IL17RC: variants seen among roughly 807,000 people sequenced by gnomAD.
IL17RC encodes interleukin-17 receptor C.
In IL17RC, 53 loss-of-function variants were observed where a neutral mutation model predicts 86.7. The observed-to-expected ratio is 0.61, with a 90% CI of 0.49 to 0.77. The LOEUF is 0.77. Among genes scored for constraint, IL17RC ranks in the 30% least tolerant of loss-of-function variants. The probability of loss-of-function intolerance (pLI) is 0.00; values close to 1 mark genes in which losing one functional copy is unlikely to be tolerated. For missense variants in IL17RC, 957 were observed against 940.0 expected (o/e 1.02, Z -0.24); for synonymous variants, 439 against 413.1 (o/e 1.06, Z -0.76).
At chr3:9,925,860 A>ATTTT (rs112277639) in intron 9 of IL17RC, among the ~76,000 whole-genome samples, 1 of 138,494 alleles carries the variant, frequency 7.2e-6, no homozygotes, top group Non-Finnish European at 1.6e-5. Flanking sequence ...ATTTTCTTAA[A>ATTTT]TTTTTTTTTT....
intron 9 of IL17RC, among the ~76,000 whole-genome samples, chr3:9,924,996 G>A (rs2083922643): frequency 6.6e-6 from 1 of 151,480 alleles, no homozygotes; most frequent in African/African-American, 2.4e-5. Context: ...TAGAGACGGG[G>A]TCTTGCTATG....
chr3:9,926,620 T>G (rs2084105099), intron 9 of IL17RC, among the ~76,000 whole-genome samples: 1 of 151,772 alleles, frequency 6.6e-6, no homozygotes, highest in East Asian at 1.9e-4. Context: ...TTTTGTTTTT[T>G]TTTTGTTTTT....
rs769235381 is a variant in IL17RC, at chr3:9,930,149, G to C, written c.1278G>C (p.Thr426=). Residue 426 remains threonine (T), a splice_region_variant and synonymous_variant, in exon 14 of 19, where the codon ACG becomes ACC. Coordinates refer to ENST00000403601, the MANE Select transcript of IL17RC (RefSeq NM_153460.4). This position sits in a 1 kb window ranked among gnomAD's most constrained non-coding sequence, Gnocchi z 5.8. The part of the protein sequence containing the change: ...GCTSLPSKAS[T]RAARLGEYLL... ...CTTCACTACCCAGCAAAGCCTCCACGGTTAGGACTGGGCGACCCTCCTCCA... is the reference window on the plus strand; with the variant it reads ...CTTCACTACCCAGCAAAGCCTCCACCGTTAGGACTGGGCGACCCTCCTCCA... 5 of 1,613,804 alleles carry C rather than the reference G, an allele frequency of 3.1e-6. No homozygotes were observed. The highest frequency in any genetic ancestry group is 4.2e-6 in the Non-Finnish European group (5 of 1,179,980).
rs1481893322 is a variant in IL17RC, at chr3:9,923,964, TC to T, written c.709del (p.Leu237CysfsTer18). The T allele has an allele frequency of 6.2e-7, 1 of 1,614,068 alleles. No homozygotes were observed. The highest frequency in any genetic ancestry group is 8.5e-7 in the Non-Finnish European group (1 of 1,180,040). On this transcript the variant is annotated frameshift_variant, in exon 8 of 19. Transcript: ENST00000403601. LOFTEE classifies it high-confidence loss of function. ...CTCTGAGGAGCAGCACTTCGGCCTCTCCCTGTACTGGAATCAGGTCCAGGGC... is the reference window on the plus strand; with the variant it reads ...CTCTGAGGAGCAGCACTTCGGCCTCTCCTGTACTGGAATCAGGTCCAGGGC... ...NVSEEQHFGL[S>X]LYWNQVQGPP...
intron 9 of IL17RC, among the ~76,000 whole-genome samples, chr3:9,925,688 A>C (rs946016215): frequency 1.3e-5 from 2 of 151,618 alleles, no homozygotes; most frequent in African/African-American, 4.9e-5. Context: ...GGAGCTACTT[A>C]CCAAGATACA....
chr3:9,928,233 G>A lies in IL17RC; in HGVS notation c.877+13G>A, dbSNP rs748416281. On this transcript the variant is annotated intron_variant, in intron 10 of 18. Coordinates refer to ENST00000403601, the MANE Select transcript of IL17RC (RefSeq NM_153460.4). Reference sequence around the variant, plus strand: ...CCCTTCAGGGAGGGTGAGCCGACCGGCCTGGGGCTGGGGTTGGGGTGTTGC... The same window carrying A: ...CCCTTCAGGGAGGGTGAGCCGACCGACCTGGGGCTGGGGTTGGGGTGTTGC... 1.3e-6 allele frequency: 2 copies of A among 1,581,948 alleles called. No individual in the cohort carries two copies. The highest frequency in any genetic ancestry group is 1.7e-5 in the African/African-American group (1 of 59,684).
chr3:9,933,354 G>A lies in IL17RC; in HGVS notation c.1924G>A (p.Ala642Thr), dbSNP rs2084977566. The A allele has an allele frequency of 1.1e-5, 17 of 1,611,440 alleles. No individual in the cohort carries two copies. Among genetic ancestry groups the A allele is most frequent in the Middle Eastern group, 1.7e-4 (1 of 6,058 alleles). The part of the protein sequence containing the change: ...ACFDRLLHPD[A>T]VPALFRTVPV... ...CTTCGACAGGCTGCTCCACCCGGAC[G>A]CCGTACCCGCCCTTTTCCGCACCGT... Residue 642 changes from alanine (A) to threonine (T), a missense_variant, in exon 19 of 19, where the codon GCC becomes ACC. Coordinates refer to ENST00000403601, the MANE Select transcript of IL17RC (RefSeq NM_153460.4).
intron 1 of IL17RC, 138 bp from the exon 2 acceptor site, chr3:9,917,575 G>C (rs1164990877): frequency 1.2e-6 from 2 of 1,613,366 alleles, no homozygotes; most frequent in East Asian, 4.5e-5. Context: ...CGGGGAAGGG[G>C]CAAGAGCTGG....
Position 9,917,444 on chromosome 3 carries a change from C to T in IL17RC, c.105+24C>T, listed in dbSNP as rs192927730. On this transcript the variant is annotated intron_variant, in intron 1 of 18. Transcript: ENST00000403601. ...CGGTGAGTCTGGAACCCTGGGGAGA[C>T]GAGGAAAGGCTCAGGGTTCAGTTTT... 320 of 1,614,178 alleles carry T rather than the reference C, an allele frequency of 2.0e-4. No homozygotes were observed. Among genetic ancestry groups the T allele is most frequent in the African/African-American group, 6.3e-4 (47 of 75,046 alleles).
intron 5 of IL17RC, among the ~76,000 whole-genome samples, chr3:9,919,366 C>T (rs1037400149): frequency 1.3e-4 from 19 of 151,972 alleles, no homozygotes; most frequent in African/African-American, 3.6e-4. Context: ...TAGTTCTGGC[C>T]GGGCACAGTG....
At position 9,923,991 on chromosome 3, in the gene IL17RC, C is replaced by T. The variant is rs923319447; in HGVS notation, c.733C>T (p.Pro245Ser). 1.2e-6 allele frequency: 2 copies of T among 1,613,922 alleles called. No homozygotes were observed. The highest frequency in any genetic ancestry group is 2.2e-5 in the East Asian group (1 of 44,900). The change falls in exon 8 of 19, where the codon CCC (proline) becomes TCC (serine). Residue 245 changes from proline to serine, a missense_variant. By Grantham distance (74) the Pro-to-Ser change is moderately conservative. Coordinates refer to ENST00000403601, the MANE Select transcript of IL17RC (RefSeq NM_153460.4). Reference protein sequence around the residue: ...LSLYWNQVQGPPKPRWHKNLT... With the variant: ...LSLYWNQVQGSPKPRWHKNLT... Reference sequence around the variant, plus strand: ...CCTGTACTGGAATCAGGTCCAGGGCCCCCCAAAACCCCGGTGGCACAAAAA... The same window carrying T: ...CCTGTACTGGAATCAGGTCCAGGGCTCCCCAAAACCCCGGTGGCACAAAAA...
In IL17RC at chr3:9,930,488, CAA is replaced by C. The variant is rs1559318938; in HGVS notation, c.1338+30_1338+31del. 5.0e-6 allele frequency: 8 copies of C among 1,609,560 alleles called. No homozygotes were observed. The Admixed American group carries it at 6.7e-5, about 13-fold the overall frequency. On this transcript the variant is annotated intron_variant, in intron 15 of 18. Coordinates refer to ENST00000403601, the MANE Select transcript of IL17RC (RefSeq NM_153460.4). The surrounding 1 kb of genome is among the most constrained non-coding windows in gnomAD (Gnocchi z 5.8). ...AGCTGGTGGAAGAAGGGCCCCACCT[CAA>C]TGCCTAGGGGCAACAGGCCTAAAAC...
In IL17RC at chr3:9,932,985, T is replaced by C; in HGVS notation, c.1555T>C (p.Tyr519His). The change falls in exon 19 of 19, where the codon TAC (tyrosine) becomes CAC (histidine). Residue 519 changes from tyrosine (Y) to histidine (H), a missense_variant. By Grantham distance (83) the Tyr-to-His change is moderately conservative. Transcript: ENST00000403601. ...AARGRAALLL[Y>H]SADDSGFERL... ...CAGGGGCCGCGCGGCTCTGCTCCTCTACTCAGCCGATGACTCGGGTTTCGA... is the reference window on the plus strand; with the variant it reads ...CAGGGGCCGCGCGGCTCTGCTCCTCCACTCAGCCGATGACTCGGGTTTCGA... 1 of 1,593,392 alleles carries C rather than the reference T, an allele frequency of 6.3e-7. No individual in the cohort carries two copies. Among genetic ancestry groups the C allele is most frequent in the Non-Finnish European group, 8.5e-7 (1 of 1,174,256 alleles).
chr3:9,930,909 C>T lies in IL17RC; in HGVS notation c.1353C>T (p.Asp451=). ...SGQCLQLWDD[D]LGALWACPMD... ...GTATCTTACAGCTATGGGACGATGA[C>T]TTGGGAGCGCTATGGGCCTGCCCCA... Residue 451 remains aspartate (D), a synonymous_variant, in exon 16 of 19, where the codon GAC becomes GAT. Transcript: ENST00000403601. The surrounding 1 kb of genome is among the most constrained non-coding windows in gnomAD (Gnocchi z 5.8). 2.5e-6 allele frequency: 4 copies of T among 1,614,100 alleles called. No homozygotes were observed. The highest frequency in any genetic ancestry group is 3.4e-6 in the Non-Finnish European group (4 of 1,179,922).
Position 9,931,434 on chromosome 3 carries a change from G to A in IL17RC, c.1387+491G>A, listed in dbSNP as rs566134811. Among the ~76,000 whole-genome samples, 10 of 138,780 alleles carry A rather than the reference G, an allele frequency of 7.2e-5. No individual in the cohort carries two copies. In the South Asian group the frequency reaches 1.8e-3, roughly 24 times the overall value. The allele number at this position is 138,780 out of a possible 152,430, so 91.0% of individuals were successfully genotyped here. ...TTATGTTGAGAGCAGCAGGAGCTAC[G>A]ATCAAATTTTTATATATTTCACACA... On this transcript the variant is annotated intron_variant, in intron 16 of 18. Coordinates refer to ENST00000403601, the MANE Select transcript of IL17RC (RefSeq NM_153460.4).
intron 7 of IL17RC, 92 bp downstream of exon 7, chr3:9,921,061 C>T: frequency 1.4e-6 from 1 of 714,702 alleles, no homozygotes; most frequent in Non-Finnish European, 2.3e-6. Flanking sequence ...TGGGCTACCA[C>T]ATCTCAGAAG....
At chr3:9,918,747 A>T in intron 5 of IL17RC, 138 bp downstream of exon 5, 1 of 646,928 alleles carries the variant, frequency 1.5e-6, no homozygotes, top group Non-Finnish European at 2.7e-6. Context: ...AGTGTTTTAC[A>T]GGTATCAACT....
In IL17RC at chr3:9,933,259, G is replaced by T; in HGVS notation, c.1829G>T (p.Arg610Leu). The T allele has an allele frequency of 6.2e-7, 1 of 1,603,888 alleles. No individual in the cohort carries two copies. The highest frequency in any genetic ancestry group is 1.3e-5 in the African/African-American group (1 of 74,678). The stretch of plus-strand genomic sequence containing the variant: ...GCGCACGGCCCGCACGACGCCTTCC[G>T]CGCCTCGCTCAGCTGCGTGCTGCCC... ...PGAHGPHDAF[R>L]ASLSCVLPDF... The change falls in exon 19 of 19, where the codon CGC becomes CTC. Residue 610 changes from arginine to leucine, a missense_variant. Physicochemically the swap from Arg to Leu is moderately radical, Grantham distance 102. Transcript: ENST00000403601.
intron 3 of IL17RC, 35 bp from the exon 4 acceptor site, chr3:9,918,300 G>C (rs888672905): frequency 3.3e-6 from 5 of 1,531,580 alleles, no homozygotes; most frequent in Non-Finnish European, 4.4e-6. Flanking sequence ...AGAGCAGGGG[G>C]CCTCACCCAG....
Sources: gnomAD v4.1 joint callset for allele counts (sites outside exome capture counted in the v4.1 genomes callset) on GRCh38, gnomAD v4.1.1 for gene constraint, Gnocchi (gnomAD v3.1) non-coding constraint, MANE v1.5 for transcripts, NCBI Gene and HGNC (gene_info 2026-07-23, HGNC 2026-07-21) for gene names.